RBFOX1: variants seen among roughly 807,000 people sequenced by gnomAD.
The protein encoded by RBFOX1 is RNA binding fox-1 homolog 1.
RBFOX1 carries 8 observed loss-of-function variants against 57.7 expected under a neutral mutation model. The observed-to-expected ratio is 0.14, with a 90% CI of 0.08 to 0.25. The LOEUF (loss-of-function observed/expected upper bound fraction) is 0.25, where lower values mean the gene tolerates loss of function less well. RBFOX1 is among the 10% of genes least tolerant of loss of function. The probability of loss-of-function intolerance (pLI) is 1.00; values close to 1 mark genes in which losing one functional copy is unlikely to be tolerated. For synonymous variants in RBFOX1, 326 were observed against 222.4 expected, an observed-to-expected ratio of 1.47 and a Z score of -4.15; for missense variants, 611 against 548.5, an observed-to-expected ratio of 1.11 and a Z score of -1.14.
intron 4 of RBFOX1, among the ~76,000 whole-genome samples, chr16:7,075,326 G>A (rs940011554): frequency 6.6e-6 from 1 of 152,196 alleles, no homozygotes; most frequent in African/African-American, 2.4e-5. Context: ...AGCACTGAGA[G>A]GTTGCCCAAA....
intron 3 of RBFOX1, among the ~76,000 whole-genome samples, chr16:5,757,952 C>G (rs548700079): frequency 5.6e-4 from 86 of 152,320 alleles, no homozygotes; most frequent in Non-Finnish European, 1.0e-3. Context: ...CTGACCCTGA[C>G]TCACTGTGAA....
chr16:5,849,211 T>G (rs1249095686), intron 3 of RBFOX1, among the ~76,000 whole-genome samples: 1 of 152,152 alleles, frequency 6.6e-6, no homozygotes, highest in Non-Finnish European at 1.5e-5. Flanking sequence ...TAACTCATAT[T>G]TCTAATTTTA....
chr16:7,634,558 T>A (rs2061469053), intron 11 of RBFOX1, among the ~76,000 whole-genome samples: 1 of 152,218 alleles, frequency 6.6e-6, no homozygotes, highest in Admixed American at 6.5e-5. Flanking sequence ...TATGCATTTT[T>A]GCATAACAGT....
chr16:6,292,337 T>C (rs1256607243), intron 1 of RBFOX1, among the ~76,000 whole-genome samples: 1 of 151,886 alleles, frequency 6.6e-6, no homozygotes, highest in Non-Finnish European at 1.5e-5. Flanking sequence ...CTACCACCAA[T>C]GGCTTCTCAT....
At chr16:6,735,631 T>G (rs12596225) in intron 3 of RBFOX1, among the ~76,000 whole-genome samples, 40,471 of 152,124 alleles carry the variant, frequency 0.27, 6,581 homozygotes, top group Non-Finnish European at 0.37. Flanking sequence ...TTGTGTAACA[T>G]TGGATCGATC....
chr16:5,462,942 C>T (rs946661247), intron 1 of RBFOX1, among the ~76,000 whole-genome samples: 1 of 152,150 alleles, frequency 6.6e-6, no homozygotes, highest in Non-Finnish European at 1.5e-5. Context: ...CCCAGTTATC[C>T]ATGATTTGTC....
chr16:7,142,352 A>C (rs1040871119), intron 4 of RBFOX1, among the ~76,000 whole-genome samples: 12 of 152,148 alleles, frequency 7.9e-5, no homozygotes, highest in Non-Finnish European at 1.5e-4. Context: ...GAAAAAAATC[A>C]GACTGGTTAC....
chr16:7,189,670 C>T (rs777702743), intron 4 of RBFOX1, among the ~76,000 whole-genome samples: 3 of 151,950 alleles, frequency 2.0e-5, no homozygotes, highest in African/African-American at 7.3e-5. Context: ...GTAAACTAGC[C>T]TACCACTGGG....
intron 4 of RBFOX1, among the ~76,000 whole-genome samples, chr16:7,231,701 A>G (rs1341783278): frequency 6.6e-6 from 1 of 152,230 alleles, no homozygotes; most frequent in African/African-American, 2.4e-5. Context: ...TATCCATACA[A>G]TGAAATATCA....
intron 3 of RBFOX1, among the ~76,000 whole-genome samples, chr16:6,996,365 A>G (rs1568285439): frequency 6.6e-6 from 1 of 151,834 alleles, no homozygotes; most frequent in East Asian, 1.9e-4. Context: ...GGTTTTGTGC[A>G]TGTGTGTGTG....
intron 14 of RBFOX1, among the ~76,000 whole-genome samples, chr16:7,704,299 A>C (rs1264642927): frequency 6.6e-6 from 1 of 152,166 alleles, no homozygotes; most frequent in Admixed American, 6.5e-5. Flanking sequence ...GTCCTCTTTT[A>C]TATCTTTGTT....
At chr16:6,144,526 GTAAC>G (rs1449540924) in intron 1 of RBFOX1, among the ~76,000 whole-genome samples, 2 of 152,212 alleles carry the variant, frequency 1.3e-5, no homozygotes, top group African/African-American at 4.8e-5. Context: ...AAGAATTACA[GTAAC>G]TAAGTGAAAC....
chr16:5,669,631 G>C (rs540441461), intron 3 of RBFOX1, among the ~76,000 whole-genome samples: 1 of 152,078 alleles, frequency 6.6e-6, no homozygotes, highest in Non-Finnish European at 1.5e-5. Flanking sequence ...TGTTGGCCAG[G>C]ATGGTCTTGT....
chr16:6,239,932 C>T (rs2097531340), intron 1 of RBFOX1, among the ~76,000 whole-genome samples: 1 of 152,114 alleles, frequency 6.6e-6, no homozygotes, highest in African/African-American at 2.4e-5. Context: ...GAAGTGTAAT[C>T]CCCAATGGTG....
At chr16:7,476,549 G>T (rs1237179301) in intron 4 of RBFOX1, among the ~76,000 whole-genome samples, 1 of 152,202 alleles carries the variant, frequency 6.6e-6, no homozygotes, top group Non-Finnish European at 1.5e-5. Flanking sequence ...ACTTGAGTTG[G>T]TTTTGTCAGC....
At chr16:7,526,600 C>G (rs373892680) in intron 5 of RBFOX1, among the ~76,000 whole-genome samples, 2 of 152,136 alleles carry the variant, frequency 1.3e-5, no homozygotes, top group East Asian at 3.8e-4. Context: ...CATGTACTTA[C>G]ATTGAAAGTT....
chr16:6,416,307 A>G (rs1003372430), intron 2 of RBFOX1, among the ~76,000 whole-genome samples: 5 of 152,194 alleles, frequency 3.3e-5, no homozygotes, highest in African/African-American at 1.2e-4. Flanking sequence ...CGGTAAAATC[A>G]CCCGACAGTT....
At chr16:5,855,640 C>A (rs183001076) in intron 3 of RBFOX1, among the ~76,000 whole-genome samples, 1 of 152,008 alleles carries the variant, frequency 6.6e-6, no homozygotes, top group African/African-American at 2.4e-5. Flanking sequence ...TACTGTATTT[C>A]GAAATCAGAA....
At chr16:5,723,750 G>A (rs376991544) in intron 3 of RBFOX1, among the ~76,000 whole-genome samples, 1 of 152,338 alleles carries the variant, frequency 6.6e-6, no homozygotes, top group South Asian at 2.1e-4. Context: ...TGAGATCTTT[G>A]GTCTAAGGTT....
Sources: gnomAD v4.1 joint callset for allele counts (sites outside exome capture counted in the v4.1 genomes callset) on GRCh38, gnomAD v4.1.1 for gene constraint, MANE v1.5 for transcripts, NCBI Gene and HGNC (gene_info 2026-07-23, HGNC 2026-07-21) for gene names.